The following CNTNAP5 variants were observed in gnomAD, a reference collection of about 807,000 sequenced individuals.
The protein encoded by CNTNAP5 is contactin associated protein family member 5.
In CNTNAP5, 72 loss-of-function variants were observed where a neutral mutation model predicts 150.2. The observed-to-expected ratio is 0.48, with a 90% CI of 0.40 to 0.58. The LOEUF (loss-of-function observed/expected upper bound fraction) is 0.58. CNTNAP5 is among the 20% of genes least tolerant of loss of function. CNTNAP5 has a pLI of 0.00. For synonymous variants in CNTNAP5, 672 were observed against 619.8 expected, an observed-to-expected ratio of 1.08 and a Z score of -1.25; for missense variants, 1,636 against 1,626.2, an observed-to-expected ratio of 1.01 and a Z score of -0.10.
At chr2:124,508,913 C>T (rs774247639) in intron 8 of CNTNAP5, among the ~76,000 whole-genome samples, 4 of 152,122 alleles carry the variant, frequency 2.6e-5, no homozygotes, top group Non-Finnish European at 4.4e-5. Context: ...AGTACTTGAG[C>T]TTATATTGGC....
chr2:124,589,913 C>T (rs1347513159), intron 11 of CNTNAP5, among the ~76,000 whole-genome samples: 1 of 152,148 alleles, frequency 6.6e-6, no homozygotes, highest in East Asian at 1.9e-4. Context: ...ATGTTGAAAA[C>T]TTAATGCTTA....
chr2:124,542,186 T>C (rs1464568432), intron 10 of CNTNAP5, among the ~76,000 whole-genome samples: 11 of 151,318 alleles, frequency 7.3e-5, no homozygotes. Flanking sequence ...TCCTCCTGCT[T>C]GACTTTTGCA....
intron 1 of CNTNAP5, among the ~76,000 whole-genome samples, chr2:124,208,961 C>G (rs1685935117): frequency 6.6e-6 from 1 of 152,104 alleles, no homozygotes; most frequent in Non-Finnish European, 1.5e-5. Flanking sequence ...GTCATGACCT[C>G]CCCGTGGGAA....
intron 5 of CNTNAP5, among the ~76,000 whole-genome samples, chr2:124,436,841 C>T (rs1692542612): frequency 6.6e-6 from 1 of 152,132 alleles, no homozygotes; most frequent in Non-Finnish European, 1.5e-5. Context: ...ATTTCTTCAT[C>T]TTTTTTATCT....
chr2:124,913,386 AATAGCTT>A (rs1678696209), intron 23 of CNTNAP5, among the ~76,000 whole-genome samples: 1 of 152,070 alleles, frequency 6.6e-6, no homozygotes, highest in Non-Finnish European at 1.5e-5. Context: ...GGTAAGCAAG[AATAGCTT>A]GCAACATAAT....
Position 124,255,572 on chromosome 2 carries a change from AATAAAATAAAATAAT to A in CNTNAP5, c.381+13181_381+13195del, listed in dbSNP as rs1254646160. The stretch of plus-strand genomic sequence containing the variant: ...AATAAAATAAAATAAAATAAAATAA[AATAAAATAAAATAAT>A]AATTTTTTTTTAAAAAGTAAATAAA... On this transcript the variant is annotated intron_variant, in intron 3 of 23. Transcript: ENST00000682447. 9.4e-3 allele frequency among the ~76,000 whole-genome samples: 431 copies of A among 45,968 alleles called. 6 individuals are homozygous for A. Among genetic ancestry groups the A allele is most frequent in the African/African-American group, 0.029 (404 of 14,054 alleles). The allele number at this position is 45,968 out of a possible 152,430, so 30.2% of individuals were successfully genotyped here.
chr2:124,374,379 G>A (rs1434943780), intron 3 of CNTNAP5, among the ~76,000 whole-genome samples: 1 of 152,044 alleles, frequency 6.6e-6, no homozygotes, highest in Non-Finnish European at 1.5e-5. Context: ...ACTCCCAATA[G>A]TAGGGAGAAC....
intron 13 of CNTNAP5, among the ~76,000 whole-genome samples, chr2:124,746,768 T>C (rs929703490): frequency 2.6e-5 from 4 of 152,174 alleles, no homozygotes; most frequent in African/African-American, 7.2e-5. Flanking sequence ...AAGAAAGTTA[T>C]TATTTTTTGA....
chr2:124,451,052 ATATAT>A (rs1180810002), intron 6 of CNTNAP5, among the ~76,000 whole-genome samples: 1 of 49,702 alleles, frequency 2.0e-5, no homozygotes, highest in African/African-American at 7.7e-5. Flanking sequence ...AAAAAAAAAA[ATATAT>A]ATATATATAT....
At chr2:124,438,812 A>T (rs1045738506) in intron 5 of CNTNAP5, among the ~76,000 whole-genome samples, 4 of 152,168 alleles carry the variant, frequency 2.6e-5, no homozygotes, top group Non-Finnish European at 5.9e-5. Context: ...GAGAGCCCAC[A>T]TTTAGGCATT....
rs567736191 is a variant in CNTNAP5 at position 124,636,400 on chromosome 2, G to A, written c.1877-11358G>A. On this transcript the variant is annotated intron_variant, in intron 12 of 23. Coordinates refer to ENST00000682447, the MANE Select transcript of CNTNAP5 (RefSeq NM_001367498.1). The stretch of plus-strand genomic sequence containing the variant: ...TCTGTCCCCAGAAATATAGACTCTG[G>A]TTTCTTGGTGTTTCTGGGGACATGG... Among the ~76,000 whole-genome samples the A allele has an allele frequency of 3.3e-5, 5 of 152,136 alleles. No homozygotes were observed. In the South Asian group the frequency reaches 1.0e-3, roughly 32 times the overall value.
At chr2:124,455,546 AC>A in intron 6 of CNTNAP5, among the ~76,000 whole-genome samples, 2 of 151,842 alleles carry the variant, frequency 1.3e-5, no homozygotes, top group Non-Finnish European at 2.9e-5. Flanking sequence ...GAAAGAGAGA[AC>A]CCTCCCTAAG....
At chr2:124,649,258 G>A (rs1033205497) in intron 13 of CNTNAP5, among the ~76,000 whole-genome samples, 26 of 152,032 alleles carry the variant, frequency 1.7e-4, no homozygotes, top group African/African-American at 6.3e-4. Flanking sequence ...TAGATCAGAC[G>A]TACTGGTTCG....
At chr2:124,681,622 G>A (rs1679070231) in intron 13 of CNTNAP5, among the ~76,000 whole-genome samples, 1 of 152,166 alleles carries the variant, frequency 6.6e-6, no homozygotes, top group Non-Finnish European at 1.5e-5. Flanking sequence ...GGAGTGCAGT[G>A]CTACGATCTC....
chr2:124,561,592 C>T (rs1695894857), intron 10 of CNTNAP5, among the ~76,000 whole-genome samples: 1 of 152,092 alleles, frequency 6.6e-6, no homozygotes, highest in African/African-American at 2.4e-5. Flanking sequence ...ACTATGGGTC[C>T]TTTATTTAAA....
intron 1 of CNTNAP5, among the ~76,000 whole-genome samples, chr2:124,151,878 T>C (rs1291589334): frequency 6.6e-6 from 1 of 152,236 alleles, no homozygotes; most frequent in Non-Finnish European, 1.5e-5. Context: ...TCCTCAGGCA[T>C]ATAACCAAGA....
At chr2:124,746,809 T>G (rs1680612284) in intron 13 of CNTNAP5, among the ~76,000 whole-genome samples, 1 of 152,200 alleles carries the variant, frequency 6.6e-6, no homozygotes, top group Admixed American at 6.5e-5. Flanking sequence ...TTGGTCTAAA[T>G]TCTGACCTAA....
chr2:124,397,270 G>T (rs1691275078), intron 3 of CNTNAP5, among the ~76,000 whole-genome samples: 1 of 152,170 alleles, frequency 6.6e-6, no homozygotes, highest in South Asian at 2.1e-4. Flanking sequence ...TTAAACAACA[G>T]AAATTTATTT....
chr2:124,438,118 T>G (rs1054313048), intron 5 of CNTNAP5, among the ~76,000 whole-genome samples: 1 of 152,168 alleles, frequency 6.6e-6, no homozygotes, highest in African/African-American at 2.4e-5. Flanking sequence ...TAACCCTTAC[T>G]GTGTCTGGCT....
Sources: gnomAD v4.1 joint callset for allele counts (sites outside exome capture counted in the v4.1 genomes callset) on GRCh38, gnomAD v4.1.1 for gene constraint, MANE v1.5 for transcripts, NCBI Gene and HGNC (gene_info 2026-07-23, HGNC 2026-07-21) for gene names.